TBC1D31: variants seen among roughly 807,000 people sequenced by gnomAD.
TBC1D31 encodes the protein WD repeat domain 67.
In TBC1D31, 99 loss-of-function variants were observed where a neutral mutation model predicts 132.9. The observed-to-expected ratio is 0.74, with a 90% CI of 0.63 to 0.88. TBC1D31 has a LOEUF of 0.88. Among genes scored for constraint, TBC1D31 ranks in the 40% least tolerant of loss-of-function variants. The pLI is 0.00. For missense variants in TBC1D31, 1,134 were observed against 1,256.6 expected (o/e 0.90, Z 1.48); for synonymous variants, 385 against 419.4 (o/e 0.92, Z 1.00).
At chr8:123,112,091 A>G (rs10101062) in intron 10 of TBC1D31, among the ~76,000 whole-genome samples, 45,701 of 152,010 alleles carry the variant, frequency 0.3, 6,896 homozygotes, top group African/African-American at 0.32. Context: ...CCTGGGCTCA[A>G]GTGATCCTTC....
Position 123,141,816 on chromosome 8 carries a change from G to A in TBC1D31, c.2641-446G>A, listed in dbSNP as rs539874025. 3.4e-3 allele frequency among the ~76,000 whole-genome samples: 420 copies of A among 121,870 alleles called. 1 individual carries two copies. The highest frequency in any genetic ancestry group is 6.2e-3 in the Non-Finnish European group (342 of 55,150). The allele number at this position is 121,870 out of a possible 152,430, so 80.0% of individuals were successfully genotyped here. A position where few individuals can be genotyped will look rare whatever the true frequency, so the allele number is the denominator to read the frequency against. On this transcript the variant is annotated intron_variant, in intron 18 of 21. Transcript: ENST00000287380. ...CCTAGCCGATAAGTTCTTAACCTTG[G>A]CTGTAAATTAGAGTCACTTGAAGAG...
At chr8:123,121,790 A>G (rs1459654191) in intron 11 of TBC1D31, among the ~76,000 whole-genome samples, 1 of 152,222 alleles carries the variant, frequency 6.6e-6, no homozygotes, top group Non-Finnish European at 1.5e-5. Flanking sequence ...TAATACAAGT[A>G]TTAGTTTACC....
At chr8:123,149,502 G>T (rs1442401202) in intron 20 of TBC1D31, among the ~76,000 whole-genome samples, 1 of 152,248 alleles carries the variant, frequency 6.6e-6, no homozygotes, top group Non-Finnish European at 1.5e-5. Context: ...ATGTGCTGCT[G>T]TAGGAGTTAG....
At chr8:123,135,187 A>G (rs1586713808) in intron 17 of TBC1D31, among the ~76,000 whole-genome samples, 1 of 152,270 alleles carries the variant, frequency 6.6e-6, no homozygotes, top group Non-Finnish European at 1.5e-5. Context: ...GGCATGAGCC[A>G]CCACGCCTGG....
At chr8:123,150,825 C>T (rs1487924472) in intron 21 of TBC1D31, among the ~76,000 whole-genome samples, 1 of 152,206 alleles carries the variant, frequency 6.6e-6, no homozygotes, top group Admixed American at 6.5e-5. Flanking sequence ...AGAAAAGACA[C>T]TCTGTTAAAC....
intron 10 of TBC1D31, among the ~76,000 whole-genome samples, chr8:123,119,202 C>T (rs1037992907): frequency 3.9e-5 from 6 of 152,234 alleles, no homozygotes; most frequent in East Asian, 1.9e-4. Flanking sequence ...GTCATAGGAA[C>T]GTAAATAGAC....
chr8:123,158,433 T>G, the TBC1D31 span, among the ~76,000 whole-genome samples: 2 of 152,014 alleles, frequency 1.3e-5, no homozygotes, highest in Admixed American at 6.6e-5. Context: ...TGGGGACCCC[T>G]GGGGAGAGTG....
intron 11 of TBC1D31, among the ~76,000 whole-genome samples, chr8:123,124,283 C>CT (rs989494793): frequency 3.9e-5 from 6 of 152,102 alleles, no homozygotes; most frequent in African/African-American, 1.4e-4. Flanking sequence ...TTGTAAAAGT[C>CT]TTTTTTAGAC....
intron 18 of TBC1D31, among the ~76,000 whole-genome samples, chr8:123,141,481 C>T (rs1045359468): frequency 1.9e-5 from 2 of 102,628 alleles, no homozygotes; most frequent in Admixed American, 9.4e-5. Context: ...GAATTTCTTA[C>T]GGAGTACACT....
At chr8:123,136,416 A>G (rs533361871) in intron 17 of TBC1D31, among the ~76,000 whole-genome samples, 2 of 152,338 alleles carry the variant, frequency 1.3e-5, no homozygotes, top group East Asian at 3.9e-4. Context: ...TAAGTTACCC[A>G]TAGGAGTGCA....
At chr8:123,077,314 T>C in intron 2 of TBC1D31, 57 bp downstream of exon 2, 2 of 1,452,838 alleles carry the variant, frequency 1.4e-6, no homozygotes, top group South Asian at 1.3e-5. Flanking sequence ...TCACTGACTG[T>C]TTTCGTACCT....
At chr8:123,108,756 G>A (rs765089035) in intron 8 of TBC1D31, among the ~76,000 whole-genome samples, 1 of 152,154 alleles carries the variant, frequency 6.6e-6, no homozygotes. Flanking sequence ...ATAAAGAAAG[G>A]AGGATTAATT....
intron 3 of TBC1D31, chr8:123,083,666 C>T (rs2129872041): frequency 6.5e-6 from 1 of 152,756 alleles, no homozygotes; most frequent in African/African-American, 2.4e-5. Context: ...TCAATTTGAT[C>T]ACTAATATTT....
intron 18 of TBC1D31, among the ~76,000 whole-genome samples, chr8:123,141,303 C>G (rs1360645607): frequency 6.6e-6 from 1 of 152,174 alleles, no homozygotes; most frequent in East Asian, 1.9e-4. Context: ...AGCATCAGGT[C>G]CCTGCATGGT....
chr8:123,097,946 GCTT>G (rs1816988709), intron 6 of TBC1D31: 1 of 152,272 alleles, frequency 6.6e-6, no homozygotes, highest in Non-Finnish European at 1.5e-5. Context: ...TTTACAGAGT[GCTT>G]CTTCCTTCAT....
chr8:123,117,037 G>A (rs1818984515), intron 10 of TBC1D31, among the ~76,000 whole-genome samples: 1 of 152,178 alleles, frequency 6.6e-6, no homozygotes, highest in African/African-American at 2.4e-5. Context: ...AGGAGTGCCT[G>A]GGCACGGTGG....
At chr8:123,101,563 C>T (rs1048885033) in intron 7 of TBC1D31, among the ~76,000 whole-genome samples, 4 of 152,082 alleles carry the variant, frequency 2.6e-5, no homozygotes, top group East Asian at 3.9e-4. Flanking sequence ...TACAGGCGCA[C>T]GCCACCATGC....
At chr8:123,131,235 G>A (rs7823553) in intron 16 of TBC1D31, among the ~76,000 whole-genome samples, 15,838 of 151,450 alleles carry the variant, frequency 0.1, 938 homozygotes, top group East Asian at 0.23. Context: ...ATGGTGGCAG[G>A]CGCTTGTAAT....
chr8:123,130,346 T>C lies in TBC1D31; in HGVS notation c.2406+13T>C, dbSNP rs752917481. On this transcript the variant is annotated intron_variant, in intron 16 of 21. Coordinates refer to ENST00000287380, the MANE Select transcript of TBC1D31 (RefSeq NM_145647.4). ...AATTGGGAGAAAGGTTTATTATTCT[T>C]AACTTAGTTCTCATACATCATCTCC... 1.2e-6 allele frequency: 2 copies of C among 1,605,032 alleles called. No homozygotes were observed. The highest frequency in any genetic ancestry group is 2.3e-5 in the South Asian group (2 of 88,722).
Sources: gnomAD v4.1 joint callset for allele counts (sites outside exome capture counted in the v4.1 genomes callset) on GRCh38, gnomAD v4.1.1 for gene constraint, MANE v1.5 for transcripts, NCBI Gene and HGNC (gene_info 2026-07-23, HGNC 2026-07-21) for gene names.